Variants in NALF1 observed in about 807,000 individuals in gnomAD.
NALF1 encodes the protein NALCN channel auxiliary factor 1.
Under a neutral mutation model 48.4 loss-of-function variants are expected in NALF1, and 3 were observed. That is an observed-to-expected ratio of 0.06 (90% CI 0.03 to 0.16). NALF1 has a LOEUF of 0.16. Ranked by LOEUF, NALF1 falls within the 10% of genes least tolerant of loss-of-function variation. NALF1 has a pLI of 1.00. For synonymous variants in NALF1, 262 were observed against 245.7 expected, an observed-to-expected ratio of 1.07 and a Z score of -0.62; for missense variants, 526 against 571.5, an observed-to-expected ratio of 0.92 and a Z score of 0.81.
intron 1 of NALF1, among the ~76,000 whole-genome samples, chr13:107,412,268 G>A (rs180887295): frequency 3.3e-5 from 5 of 152,004 alleles, no homozygotes; most frequent in Non-Finnish European, 7.4e-5. Flanking sequence ...AGCATGTCAC[G>A]GAAGTTGTCT....
At chr13:107,196,850 G>T (rs894189726) in intron 2 of NALF1, among the ~76,000 whole-genome samples, 1 of 152,114 alleles carries the variant, frequency 6.6e-6, no homozygotes, top group African/African-American at 2.4e-5. Flanking sequence ...ACAGGGGTTG[G>T]GGGGAGGTGA....
chr13:107,373,228 C>T (rs558522752), intron 1 of NALF1, among the ~76,000 whole-genome samples: 1 of 152,094 alleles, frequency 6.6e-6, no homozygotes, highest in Non-Finnish European at 1.5e-5. Context: ...CTAACAGGAA[C>T]GTCATATTTT....
chr13:107,587,425 T>C (rs1041648139), intron 1 of NALF1, among the ~76,000 whole-genome samples: 1 of 152,172 alleles, frequency 6.6e-6, no homozygotes, highest in African/African-American at 2.4e-5. Context: ...AATTGTGACT[T>C]GATTTTTAAC....
intron 1 of NALF1, among the ~76,000 whole-genome samples, chr13:107,418,361 G>A (rs1200527634): frequency 2.0e-5 from 3 of 152,074 alleles, no homozygotes; most frequent in Admixed American, 2.0e-4. Context: ...GTGACAGGAT[G>A]CAACTCCCAA....
intron 2 of NALF1, among the ~76,000 whole-genome samples, chr13:107,190,690 A>C (rs984674569): frequency 1.3e-5 from 2 of 152,236 alleles, no homozygotes; most frequent in Non-Finnish European, 2.9e-5. Flanking sequence ...TTATAAAGTC[A>C]ATATTAAAAT....
chr13:107,552,012 T>A (rs1877308195), intron 1 of NALF1, among the ~76,000 whole-genome samples: 1 of 152,128 alleles, frequency 6.6e-6, no homozygotes, highest in Non-Finnish European at 1.5e-5. Context: ...CTTCAAAGTG[T>A]CAAGAAGTAA....
At chr13:107,234,547 C>T (rs910040529) in intron 1 of NALF1, among the ~76,000 whole-genome samples, 11 of 152,100 alleles carry the variant, frequency 7.2e-5, no homozygotes, top group Admixed American at 6.5e-5. Flanking sequence ...GCCTGTCAGC[C>T]GGCCCTGAGC....
chr13:107,574,412 T>C (rs753625472), intron 1 of NALF1, among the ~76,000 whole-genome samples: 3 of 152,190 alleles, frequency 2.0e-5, no homozygotes, highest in Non-Finnish European at 4.4e-5. Context: ...CCAACTAGAC[T>C]ACAAGTTGCA....
intron 1 of NALF1, among the ~76,000 whole-genome samples, chr13:107,839,516 A>G (rs1879988512): frequency 2.6e-5 from 4 of 151,560 alleles, no homozygotes; most frequent in South Asian, 2.1e-4. Flanking sequence ...AGCACATTCC[A>G]TACATTAATG....
At chr13:107,407,319 A>G (rs989830357) in intron 1 of NALF1, among the ~76,000 whole-genome samples, 5 of 152,170 alleles carry the variant, frequency 3.3e-5, no homozygotes, top group South Asian at 4.1e-4. Flanking sequence ...TGAAGAGACA[A>G]TCCACAGAAT....
intron 1 of NALF1, among the ~76,000 whole-genome samples, chr13:107,832,248 T>C (rs1879755923): frequency 6.6e-6 from 1 of 151,752 alleles, no homozygotes; most frequent in Non-Finnish European, 1.5e-5. Context: ...TAATATAATA[T>C]TTATTATATT....
intron 1 of NALF1, among the ~76,000 whole-genome samples, chr13:107,345,711 C>T (rs1238668784): frequency 6.6e-6 from 1 of 152,104 alleles, no homozygotes; most frequent in Non-Finnish European, 1.5e-5. Flanking sequence ...AAAAGAGCCT[C>T]ATGATATTAG....
rs950985967 is a variant in NALF1 at position 107,362,050 on chromosome 13, G to A, written c.916-151295C>T. ...TGGGTCCCTGAGAAACTAGTAAACA[G>A]AAGTCGCACTGCCAGCCTGCAGTGC... On this transcript the variant is annotated intron_variant, in intron 1 of 2. Transcript: ENST00000375915. This position sits in a 1 kb window ranked among gnomAD's most constrained non-coding sequence, Gnocchi z 4.6. Among the ~76,000 whole-genome samples the A allele has an allele frequency of 6.6e-5, 10 of 152,120 alleles. No individual in the cohort carries two copies. Among genetic ancestry groups the A allele is most frequent in the African/African-American group, 2.2e-4 (9 of 41,430 alleles).
intron 1 of NALF1, among the ~76,000 whole-genome samples, chr13:107,284,139 T>A (rs1240073548): frequency 6.6e-6 from 1 of 152,148 alleles, no homozygotes; most frequent in African/African-American, 2.4e-5. Context: ...AGGTAAGCAT[T>A]TCTTTGGAAA....
chr13:107,199,774 A>C lies in NALF1; in HGVS notation c.1087+10810T>G, dbSNP rs929554750. Among the ~76,000 whole-genome samples the C allele has an allele frequency of 2.2e-4, 33 of 152,150 alleles. 1 individual carries two copies. Among genetic ancestry groups the C allele is most frequent in the Admixed American group, 2.2e-3 (33 of 15,262 alleles). On this transcript the variant is annotated intron_variant, in intron 2 of 2. Coordinates refer to ENST00000375915, the MANE Select transcript of NALF1 (RefSeq NM_001080396.3). ...GGACAAAAAACAGCTTTGACATGAA[A>C]TACTGAGATGCTTCTTTCTGACTCC...
chr13:107,336,561 T>C (rs2138929311), intron 1 of NALF1, among the ~76,000 whole-genome samples: 1 of 152,194 alleles, frequency 6.6e-6, no homozygotes, highest in Admixed American at 6.5e-5. Context: ...GAGAACAATC[T>C]TTGTGTCTAA....
rs572470153 is a variant in NALF1 at position 107,530,571 on chromosome 13, C to A, written c.916-319816G>T. 2.0e-5 allele frequency among the ~76,000 whole-genome samples: 3 copies of A among 152,120 alleles called. No homozygotes were observed. In the East Asian group the frequency reaches 5.8e-4, roughly 29 times the overall value. On this transcript the variant is annotated intron_variant, in intron 1 of 2. Transcript: ENST00000375915. The stretch of plus-strand genomic sequence containing the variant: ...TGTGATCATTTTAGTATATTCATAA[C>A]ATGTGGATGTATGCAGAAGATGGAC...
At chr13:107,233,680 A>G (rs1880276885) in intron 1 of NALF1, among the ~76,000 whole-genome samples, 1 of 152,248 alleles carries the variant, frequency 6.6e-6, no homozygotes, top group South Asian at 2.1e-4. Flanking sequence ...TGGCTCTGCT[A>G]CATGTTACAT....
intron 1 of NALF1, among the ~76,000 whole-genome samples, chr13:107,808,697 A>G (rs951612323): frequency 1.5e-5 from 2 of 136,730 alleles, no homozygotes; most frequent in Non-Finnish European, 2.9e-5. Flanking sequence ...GACTGCTTAG[A>G]TAGATTAGGA....
Sources: allele counts gnomAD v4.1 joint callset (sites outside exome capture counted in the v4.1 genomes callset), GRCh38; gene constraint gnomAD v4.1.1; non-coding constraint Gnocchi (gnomAD v3.1); transcripts MANE v1.5; gene names NCBI Gene and HGNC (gene_info 2026-07-23, HGNC 2026-07-21).